VPS8: variants seen among roughly 807,000 people sequenced by gnomAD.
VPS8 encodes the protein vacuolar protein sorting-associated protein 8 homolog.
VPS8 carries 129 observed loss-of-function variants against 216.4 expected under a neutral mutation model. That is an observed-to-expected ratio of 0.60 (90% CI 0.52 to 0.69). VPS8 has a LOEUF of 0.69. Ranked by LOEUF, VPS8 falls within the 30% of genes least tolerant of loss-of-function variation. The pLI is 0.00. For missense variants in VPS8, 1,531 were observed against 1,683.5 expected, an observed-to-expected ratio of 0.91 and a Z score of 1.59; for synonymous variants, 571 against 565.4, an observed-to-expected ratio of 1.01 and a Z score of -0.14.
Position 184,913,436 on chromosome 3 carries a change from A to AT in VPS8, c.2147-76dup, listed in dbSNP as rs1736932153. ...TACCTCACCTTAAATGCCAAGTTTT[A>AT]TTTTTTTGTTTCTACATAAAGATTA... On this transcript the variant is annotated intron_variant, in intron 25 of 47. Coordinates refer to ENST00000625842, the MANE Select transcript of VPS8 (RefSeq NM_001009921.3). 7.1e-6 allele frequency: 9 copies of AT among 1,263,596 alleles called. No individual in the cohort carries two copies. In the African/African-American group the frequency reaches 7.6e-5, roughly 11 times the overall value. 78.3% of individuals were successfully genotyped at this position (1,263,596 alleles called of 1,614,324 possible).
chr3:184,994,859 T>A (rs1168672435), intron 43 of VPS8, among the ~76,000 whole-genome samples: 4 of 152,208 alleles, frequency 2.6e-5, no homozygotes, highest in Non-Finnish European at 4.4e-5. Context: ...GACTTACAGT[T>A]CCAGGTGGCT....
chr3:184,860,255 GC>G (rs1726029054), intron 15 of VPS8, among the ~76,000 whole-genome samples, 190 bp downstream of exon 15: 1 of 151,852 alleles, frequency 6.6e-6, no homozygotes, highest in Non-Finnish European at 1.5e-5. Context: ...GATAGCTTAA[GC>G]CCAGGAGTTC....
intron 37 of VPS8, among the ~76,000 whole-genome samples, chr3:184,960,243 G>T (rs886294271): frequency 6.6e-6 from 1 of 152,016 alleles, no homozygotes; most frequent in Non-Finnish European, 1.5e-5. Context: ...TATCATTGTT[G>T]GACATTTGGG....
At chr3:184,841,067 TAA>T (rs1269561346) in intron 7 of VPS8, among the ~76,000 whole-genome samples, 1 of 152,202 alleles carries the variant, frequency 6.6e-6, no homozygotes, top group Non-Finnish European at 1.5e-5. Context: ...TTGATTTAAA[TAA>T]GAGTTTTATT....
chr3:184,922,788 G>A (rs1050201200), intron 29 of VPS8, among the ~76,000 whole-genome samples: 1 of 57,310 alleles, frequency 1.7e-5, no homozygotes, highest in African/African-American at 1.1e-4. Flanking sequence ...CTGAATGGCT[G>A]CAGACAGAGG....
At chr3:184,959,460 TA>T (rs900489388) in intron 37 of VPS8, among the ~76,000 whole-genome samples, 1 of 152,182 alleles carries the variant, frequency 6.6e-6, no homozygotes, top group Non-Finnish European at 1.5e-5. Flanking sequence ...TAGAAAAAAG[TA>T]AATGTTTTAA....
intron 39 of VPS8, among the ~76,000 whole-genome samples, chr3:184,970,214 A>T (rs2109621672): frequency 6.6e-6 from 1 of 152,146 alleles, no homozygotes; most frequent in East Asian, 1.9e-4. Flanking sequence ...GACCGGCCCC[A>T]TCTACTTTCC....
chr3:185,033,155 G>T (rs1758412656), intron 46 of VPS8, among the ~76,000 whole-genome samples: 1 of 152,072 alleles, frequency 6.6e-6, no homozygotes, highest in Admixed American at 6.5e-5. Context: ...AAAGTCCATG[G>T]TTTACATTAG....
intron 46 of VPS8, among the ~76,000 whole-genome samples, chr3:185,046,809 C>T (rs1456175342): frequency 6.6e-6 from 1 of 152,150 alleles, no homozygotes; most frequent in Non-Finnish European, 1.5e-5. Flanking sequence ...TGGGCAGAGT[C>T]CAGATTGAGC....
At chr3:184,880,606 A>G (rs1362286382) in intron 21 of VPS8, among the ~76,000 whole-genome samples, 1 of 152,206 alleles carries the variant, frequency 6.6e-6, no homozygotes, top group Non-Finnish European at 1.5e-5. Context: ...TGGGGCTGTT[A>G]AAAATAAAGT....
At position 184,981,428 on chromosome 3, in the gene VPS8, C is replaced by CTTT. The variant is rs67454758; in HGVS notation, c.3421-1118_3421-1116dup. ...CATGGGAGCAGGGCAGCAGTGGGTT[C>CTTT]TTTTTTTTTTTTTTTTTTTTTTGAG... On this transcript the variant is annotated intron_variant, in intron 40 of 47. Coordinates refer to ENST00000625842, the MANE Select transcript of VPS8 (RefSeq NM_001009921.3). Among the ~76,000 whole-genome samples the CTTT allele has an allele frequency of 1.5e-3, 106 of 68,496 alleles. 1 individual carries two copies. The South Asian group carries it at 0.025, about 16-fold the overall frequency. The allele number at this position is 68,496 out of a possible 152,430, so 44.9% of individuals were successfully genotyped here.
chr3:184,980,812 T>C (rs1245101196), intron 40 of VPS8, among the ~76,000 whole-genome samples: 15 of 152,246 alleles, frequency 9.9e-5, no homozygotes, highest in Admixed American at 9.8e-4. Context: ...CTGAATTCTG[T>C]ATCTGTCATT....
At position 184,992,570 on chromosome 3, in the gene VPS8, A is replaced by C. The variant is rs62289478; in HGVS notation, c.3586-1413A>C. ...GTTTCTTTACTCATAAAACCTGTTG[A>C]AGGAACTTAGTAATATGTTAAACAT... On this transcript the variant is annotated intron_variant, in intron 42 of 47. Transcript: ENST00000625842. 5.8e-3 allele frequency among the ~76,000 whole-genome samples: 880 copies of C among 152,066 alleles called. 5 individuals are homozygous for C. The highest frequency in any genetic ancestry group is 9.3e-3 in the Non-Finnish European group (634 of 67,952).
chr3:184,898,470 G>C, intron 23 of VPS8, 95 bp from the exon 24 acceptor site: 2 of 947,972 alleles, frequency 2.1e-6, no homozygotes, highest in Non-Finnish European at 3.2e-6. Context: ...AGAAAAATTA[G>C]GGAAGAGCAT....
At chr3:184,926,538 A>C in intron 30 of VPS8, 56 bp from the exon 31 acceptor site, 1 of 1,488,658 alleles carries the variant, frequency 6.7e-7, no homozygotes, top group Non-Finnish European at 9.1e-7. Flanking sequence ...TTTTATTATG[A>C]GAGTATTAAT....
chr3:185,045,924 G>A (rs74566822), intron 46 of VPS8, among the ~76,000 whole-genome samples: 1,685 of 152,280 alleles, frequency 0.011, 26 homozygotes, highest in African/African-American at 0.038. Context: ...CCCTCTCCCT[G>A]GGGCTCTCAG....
chr3:185,025,786 C>T (rs1212830540), intron 46 of VPS8, among the ~76,000 whole-genome samples: 1 of 152,210 alleles, frequency 6.6e-6, no homozygotes, highest in African/African-American at 2.4e-5. Flanking sequence ...ATGGAACACA[C>T]TTCTAACATA....
intron 37 of VPS8, among the ~76,000 whole-genome samples, chr3:184,960,111 A>G (rs1746266822): frequency 6.6e-6 from 1 of 151,930 alleles, no homozygotes; most frequent in Non-Finnish European, 1.5e-5. Flanking sequence ...TCCTTGCGAT[A>G]GTTTGCTGAG....
chr3:184,966,735 C>G, intron 39 of VPS8, 22 bp downstream of exon 39: 1 of 1,548,038 alleles, frequency 6.5e-7, no homozygotes, highest in African/African-American at 1.4e-5. Context: ...AAAATAATTA[C>G]AACATTTTTC....
Sources: gnomAD v4.1 joint callset for allele counts (sites outside exome capture counted in the v4.1 genomes callset) on GRCh38, gnomAD v4.1.1 for gene constraint, MANE v1.5 for transcripts, NCBI Gene and HGNC (gene_info 2026-07-23, HGNC 2026-07-21) for gene names.